TSPAN11: variants seen among roughly 807,000 people sequenced by gnomAD.
The protein encoded by TSPAN11 is tetraspanin 11.
A neutral mutation model predicts 32.9 loss-of-function variants in TSPAN11; 29 were observed. That is an observed-to-expected ratio of 0.88 (90% CI 0.66 to 1.20). The LOEUF is 1.20. TSPAN11 is among the 50% of genes most tolerant of loss of function. The pLI, the probability that TSPAN11 is intolerant of heterozygous loss-of-function variation, is 0.00. For missense variants in TSPAN11, 283 were observed against 329.1 expected (o/e 0.86, Z 1.08); for synonymous variants, 140 against 141.3 (o/e 0.99, Z 0.07).
At chr12:31,011,177 T>C in the TSPAN11 span, among the ~76,000 whole-genome samples, 4 of 152,206 alleles carry the variant, frequency 2.6e-5, no homozygotes, top group Admixed American at 2.6e-4. Flanking sequence ...GCAGATCACC[T>C]GAGGTCAGGA....
At chr12:30,979,513 G>A in intron 4 of TSPAN11, 53 bp from the exon 5 acceptor site, 1 of 1,563,722 alleles carries the variant, frequency 6.4e-7, no homozygotes, top group Non-Finnish European at 8.8e-7. Flanking sequence ...CCGGTGCCAG[G>A]GCAGGGGTGG....
Position 30,980,299 on chromosome 12 carries a change from C to T in TSPAN11, c.456+629C>T, listed in dbSNP as rs1939063032. ...GTCCTGTTCAATACGGTAGTCACCA[C>T]CCACATGTGGCTATTTTCAGCTCAA... is the stretch of plus-strand genomic sequence containing the variant. On this transcript the variant is annotated intron_variant, in intron 5 of 7. Coordinates refer to ENST00000546076, the MANE Select transcript of TSPAN11 (RefSeq NM_001370302.1). Among the ~76,000 whole-genome samples, 5 of 152,336 alleles carry T rather than the reference C, an allele frequency of 3.3e-5. No individual in the cohort carries two copies. The South Asian group carries it at 1.0e-3, about 32-fold the overall frequency.
chr12:30,943,816 A>C (rs1227740628), intron 1 of TSPAN11, among the ~76,000 whole-genome samples: 1 of 152,252 alleles, frequency 6.6e-6, no homozygotes, highest in African/African-American at 2.4e-5. Context: ...AGGAAAGTGA[A>C]AATTAACTAA....
chr12:30,994,774 C>T lies in TSPAN11; in HGVS notation c.*2859C>T, dbSNP rs985764251. 2 of 152,162 alleles carry T rather than the reference C, an allele frequency of 1.3e-5. No individual in the cohort carries two copies. Among genetic ancestry groups the T allele is most frequent in the African/African-American group, 4.8e-5 (2 of 41,422 alleles). The allele number at this position is 152,162 out of a possible 1,614,324, so 9.4% of individuals were successfully genotyped here. On this transcript the variant is annotated 3_prime_UTR_variant, in exon 8 of 8. Coordinates refer to ENST00000546076, the MANE Select transcript of TSPAN11 (RefSeq NM_001370302.1). ...AATCTGTCACCATAAATACTTATCT[C>T]GCAGTTACCCCAGCAAGAGGGTGTT...
intron 7 of TSPAN11, among the ~76,000 whole-genome samples, chr12:30,985,571 A>G (rs1332129835): frequency 1.3e-5 from 2 of 152,098 alleles, no homozygotes; most frequent in Non-Finnish European, 2.9e-5. Context: ...AGGAGAAGGT[A>G]CGCTCAGCAG....
At chr12:31,013,219 C>G in the TSPAN11 span, among the ~76,000 whole-genome samples, 16 of 152,142 alleles carry the variant, frequency 1.1e-4, no homozygotes, top group Non-Finnish European at 2.2e-4. Context: ...AGGGACAAAT[C>G]CCTTCTAGGG....
At chr12:31,003,605 C>T in the TSPAN11 span, among the ~76,000 whole-genome samples, 1 of 152,118 alleles carries the variant, frequency 6.6e-6, no homozygotes, top group Non-Finnish European at 1.5e-5. Flanking sequence ...ATAAACAAAC[C>T]TACCCACTCC....
the TSPAN11 span, among the ~76,000 whole-genome samples, chr12:31,003,409 C>T: frequency 6.6e-6 from 1 of 152,166 alleles, no homozygotes; most frequent in African/African-American, 2.4e-5. Flanking sequence ...GTTTGAGGAC[C>T]TGTGAACAAG....
chr12:30,961,761 C>T (rs1330448886), intron 2 of TSPAN11, among the ~76,000 whole-genome samples: 2 of 151,994 alleles, frequency 1.3e-5, no homozygotes, highest in East Asian at 1.9e-4. Context: ...AGCTGAGGTC[C>T]GGAGAGGTTA....
Position 30,992,216 on chromosome 12 carries a change from G to A in TSPAN11, c.*301G>A, listed in dbSNP as rs1286505576. On this transcript the variant is annotated 3_prime_UTR_variant, in exon 8 of 8. Transcript: ENST00000546076. ...GAACGGGGGCACCCGTGGACTACGG[G>A]AGGGTGGCGGTTGGGTTCTCTGCTC... 4 of 469,784 alleles carry A rather than the reference G, an allele frequency of 8.5e-6. No homozygotes were observed. The highest frequency in any genetic ancestry group is 1.9e-5 in the African/African-American group (1 of 51,566). The allele number at this position is 469,784 out of a possible 1,614,324, so 29.1% of individuals were successfully genotyped here.
At chr12:31,010,990 T>C in the TSPAN11 span, among the ~76,000 whole-genome samples, 9 of 152,106 alleles carry the variant, frequency 5.9e-5, no homozygotes, top group Middle Eastern at 3.4e-3. Flanking sequence ...AAGAACAAAG[T>C]TCAATGAACA....
At chr12:31,015,672 G>C in the TSPAN11 span, 5 of 152,332 alleles carry the variant, frequency 3.3e-5, no homozygotes, top group East Asian at 5.8e-4. The surrounding 1 kb of genome is among the most constrained non-coding windows in gnomAD (Gnocchi z 4.9). Context: ...CCAGGCAGAT[G>C]CCTCCGTGAA....
intron 3 of TSPAN11, among the ~76,000 whole-genome samples, chr12:30,971,051 G>T (rs548655686): frequency 7.2e-4 from 109 of 152,206 alleles, no homozygotes; most frequent in African/African-American, 2.6e-3. Context: ...CCTCGGGCTG[G>T]GCTCTCCTCC....
At chr12:30,997,439 C>G (rs1939432806), downstream of TSPAN11, 1 of 152,476 alleles carries the variant, frequency 6.6e-6, no homozygotes, top group Non-Finnish European at 1.5e-5. Flanking sequence ...GGAAGCATGG[C>G]TGGGAGGCCT....
intron 5 of TSPAN11, among the ~76,000 whole-genome samples, chr12:30,981,647 C>T (rs1939095110): frequency 6.6e-6 from 1 of 152,166 alleles, no homozygotes; most frequent in South Asian, 2.1e-4. Flanking sequence ...GAGCATTAAC[C>T]CCTTCCTCCT....
chr12:30,982,973 C>A, intron 6 of TSPAN11, 91 bp from the exon 7 acceptor site: 2 of 1,391,982 alleles, frequency 1.4e-6, no homozygotes, highest in South Asian at 1.2e-5. Flanking sequence ...TCTGGCCAGT[C>A]CTCAGCCTCT....
chr12:30,937,685 C>CA (rs1938075052), intron 1 of TSPAN11, among the ~76,000 whole-genome samples: 1 of 152,164 alleles, frequency 6.6e-6, no homozygotes, highest in South Asian at 2.1e-4. Context: ...TGCGTGGTCT[C>CA]AAAGTGTGGT....
At chr12:31,011,601 C>T in the TSPAN11 span, among the ~76,000 whole-genome samples, 4 of 152,170 alleles carry the variant, frequency 2.6e-5, no homozygotes, top group African/African-American at 7.2e-5. Context: ...CCCATCACAG[C>T]GCATGCCAGC....
chr12:30,941,195 C>T (rs1196378391), intron 1 of TSPAN11, among the ~76,000 whole-genome samples: 1 of 152,176 alleles, frequency 6.6e-6, no homozygotes, highest in Non-Finnish European at 1.5e-5. Flanking sequence ...GATGCAAAAC[C>T]CATATATACA....
Sources: gnomAD v4.1 joint callset for allele counts (sites outside exome capture counted in the v4.1 genomes callset) on GRCh38, gnomAD v4.1.1 for gene constraint, Gnocchi (gnomAD v3.1) non-coding constraint, MANE v1.5 for transcripts, NCBI Gene and HGNC (gene_info 2026-07-23, HGNC 2026-07-21) for gene names.